FARP1: variants seen among roughly 807,000 people sequenced by gnomAD.
FARP1 encodes the protein FERM, ARH/RhoGEF and pleckstrin domain protein 1.
A neutral mutation model predicts 128.8 loss-of-function variants in FARP1; 52 were observed. The observed-to-expected ratio is 0.40, with a 90% confidence interval of 0.32 to 0.51. The LOEUF (loss-of-function observed/expected upper bound fraction) is 0.51. FARP1 is among the 20% of genes least tolerant of loss of function. FARP1 has a pLI of 0.45. For synonymous variants in FARP1, 580 were observed against 551.8 expected, an observed-to-expected ratio of 1.05 and a Z score of -0.72; for missense variants, 1,333 against 1,367.9, an observed-to-expected ratio of 0.97 and a Z score of 0.40.
At chr13:98,383,714 G>A (rs1338589504) in intron 6 of FARP1, 1 of 152,180 alleles carries the variant, frequency 6.6e-6, no homozygotes, top group Non-Finnish European at 1.5e-5. Context: ...AACAATTGGT[G>A]TACATTGACC....
intron 2 of FARP1, among the ~76,000 whole-genome samples, chr13:98,266,752 C>CT (rs1479037661): frequency 6.6e-6 from 1 of 152,110 alleles, no homozygotes; most frequent in Non-Finnish European, 1.5e-5. Context: ...TGGCTCGCAC[C>CT]TATAATCCCA....
intron 1 of FARP1, among the ~76,000 whole-genome samples, chr13:98,187,948 T>A (rs1878985217): frequency 6.6e-6 from 1 of 152,218 alleles, no homozygotes; most frequent in East Asian, 1.9e-4. Context: ...ATGAAGACAA[T>A]TATTTTGACT....
intron 2 of FARP1, among the ~76,000 whole-genome samples, chr13:98,335,149 C>CT (rs1468296171): frequency 6.6e-6 from 1 of 152,234 alleles, no homozygotes; most frequent in Non-Finnish European, 1.5e-5. Context: ...GCTAGTTCCT[C>CT]TAACATGCCA....
intron 2 of FARP1, among the ~76,000 whole-genome samples, chr13:98,290,358 A>G (rs77166531): frequency 0.032 from 4,827 of 152,078 alleles, 121 homozygotes; most frequent in Middle Eastern, 0.11. Context: ...GACATTTAGC[A>G]GAGACCTATG....
chr13:98,346,466 C>G (rs1352574030), intron 3 of FARP1, among the ~76,000 whole-genome samples: 3 of 150,776 alleles, frequency 2.0e-5, no homozygotes, highest in African/African-American at 7.3e-5. Context: ...CTTTTGAGGC[C>G]GGGTGTGGTG....
In FARP1 at chr13:98,452,267, C is replaced by T. The variant is rs1486792746; in HGVS notation, c.*3950C>T. The stretch of plus-strand genomic sequence containing the variant: ...CAACAGAAAATCGTATTGGAAAGGA[C>T]GGTACATCTGGCGCAGACCAGCAGT... On this transcript the variant is annotated 3_prime_UTR_variant, in exon 27 of 27. Coordinates refer to ENST00000319562, the MANE Select transcript of FARP1 (RefSeq NM_005766.4). 1.3e-5 allele frequency: 2 copies of T among 152,304 alleles called. No individual in the cohort carries two copies. Among genetic ancestry groups the T allele is most frequent in the African/African-American group, 4.8e-5 (2 of 41,440 alleles). The allele number at this position is 152,304 out of a possible 1,614,324, so 9.4% of individuals were successfully genotyped here. A position where few individuals can be genotyped will look rare whatever the true frequency, so the allele number is the denominator to read the frequency against.
rs373734982 is a variant in FARP1, at chr13:98,168,026, G to T, written c.-24+24534G>T. Among the ~76,000 whole-genome samples the T allele has an allele frequency of 4.2e-4, 64 of 152,150 alleles. 1 individual carries two copies. In the South Asian group the frequency reaches 0.013, roughly 31 times the overall value. ...TCTCTACTAAAAATAGAAAAAATTA[G>T]CCAGGCGTGGTGGCGGGTGCCTGTA... On this transcript the variant is annotated intron_variant, in intron 1 of 26. Transcript: ENST00000319562.
At position 98,411,013 on chromosome 13, in the gene FARP1, G is replaced by T. The variant is rs1470508995; in HGVS notation, c.1692+190G>T. On this transcript the variant is annotated intron_variant, in intron 15 of 26. Transcript: ENST00000319562. Reference sequence around the variant, plus strand: ...TGGGAATATATGCTATAACATTTTTGATAATGATGATTTTCAAGTGCAAAA... The same window carrying T: ...TGGGAATATATGCTATAACATTTTTTATAATGATGATTTTCAAGTGCAAAA... 2.0e-5 allele frequency among the ~76,000 whole-genome samples: 3 copies of T among 152,272 alleles called. No individual in the cohort carries two copies. In the South Asian group the frequency reaches 6.2e-4, roughly 32 times the overall value.
chr13:98,420,213 G>A (rs1891543073), intron 16 of FARP1, among the ~76,000 whole-genome samples: 1 of 152,136 alleles, frequency 6.6e-6, no homozygotes, highest in Non-Finnish European at 1.5e-5. Flanking sequence ...GCAAAGTATT[G>A]ATTTATCCTG....
At chr13:98,296,434 C>G (rs767358753) in intron 2 of FARP1, among the ~76,000 whole-genome samples, 4 of 152,106 alleles carry the variant, frequency 2.6e-5, no homozygotes, top group Non-Finnish European at 5.9e-5. Flanking sequence ...CAGTGCTTCT[C>G]CCCTTGTAGA....
At chr13:98,198,972 G>A (rs1307897156) in intron 1 of FARP1, among the ~76,000 whole-genome samples, 2 of 5,446 alleles carry the variant, frequency 3.7e-4, no homozygotes, top group East Asian at 7.9e-3. Context: ...CCAGCTACTC[G>A]GGAGTCTGAG....
chr13:98,258,443 A>C (rs1594329860), intron 2 of FARP1, among the ~76,000 whole-genome samples: 1 of 152,206 alleles, frequency 6.6e-6, no homozygotes, highest in East Asian at 1.9e-4. Context: ...CTGGTAATAC[A>C]CCAGACCACG....
At chr13:98,370,873 G>A (rs1889296249) in intron 5 of FARP1, among the ~76,000 whole-genome samples, 1 of 152,156 alleles carries the variant, frequency 6.6e-6, no homozygotes, top group Non-Finnish European at 1.5e-5. Flanking sequence ...CCAGGAATTG[G>A]CAGAAAGCAG....
intron 1 of FARP1, among the ~76,000 whole-genome samples, chr13:98,205,453 C>T (rs7981282): frequency 0.47 from 71,324 of 151,748 alleles, 17,292 homozygotes; most frequent in East Asian, 0.68. Flanking sequence ...AGTACAGTGG[C>T]GTGATCTCGG....
intron 3 of FARP1, among the ~76,000 whole-genome samples, chr13:98,347,906 G>A (rs2139893218): frequency 6.6e-6 from 1 of 152,244 alleles, no homozygotes; most frequent in East Asian, 1.9e-4. Flanking sequence ...CAAGCACCTG[G>A]CATGTCAGGT....
At chr13:98,269,841 C>T (rs1471955953) in intron 2 of FARP1, among the ~76,000 whole-genome samples, 1 of 152,186 alleles carries the variant, frequency 6.6e-6, no homozygotes, top group Non-Finnish European at 1.5e-5. Context: ...ATGGGCTGGG[C>T]CCAGTGGCTC....
intron 13 of FARP1, chr13:98,404,962 A>G (rs1347106812): frequency 6.6e-6 from 1 of 152,156 alleles, no homozygotes; most frequent in African/African-American, 2.4e-5. Flanking sequence ...GTGGTTAAAA[A>G]CTGAGACCCA....
At chr13:98,232,839 A>T (rs1458533120) in intron 2 of FARP1, among the ~76,000 whole-genome samples, 2 of 152,240 alleles carry the variant, frequency 1.3e-5, no homozygotes, top group African/African-American at 4.8e-5. Context: ...GATGATTTCA[A>T]TACTACTGTC....
intron 2 of FARP1, among the ~76,000 whole-genome samples, chr13:98,307,340 T>C (rs555242662): frequency 3.3e-5 from 5 of 152,190 alleles, no homozygotes; most frequent in South Asian, 2.1e-4. Context: ...GATTCTGTTA[T>C]GGATGGAGTT....
Sources: allele counts gnomAD v4.1 joint callset (sites outside exome capture counted in the v4.1 genomes callset), GRCh38; gene constraint gnomAD v4.1.1; transcripts MANE v1.5; gene names NCBI Gene and HGNC (gene_info 2026-07-23, HGNC 2026-07-21).